Variants in ARFGEF1 observed in about 807,000 individuals in gnomAD.
ARFGEF1 encodes the protein ARF guanine nucleotide exchange factor 1.
ARFGEF1 carries 42 observed loss-of-function variants against 231.0 expected under a neutral mutation model. That is an observed-to-expected ratio of 0.18 (90% CI 0.14 to 0.24). The LOEUF (loss-of-function observed/expected upper bound fraction) is 0.24, where lower values mean the gene tolerates loss of function less well. ARFGEF1 is among the 10% of genes least tolerant of loss of function. ARFGEF1 has a pLI of 1.00. For synonymous variants in ARFGEF1, 710 were observed against 732.3 expected (o/e 0.97, Z 0.49); for missense variants, 1,345 against 2,192.0 (o/e 0.61, Z 7.72).
intron 1 of ARFGEF1, among the ~76,000 whole-genome samples, chr8:67,306,495 C>A (rs1458258703): frequency 6.6e-6 from 1 of 152,030 alleles, no homozygotes; most frequent in Non-Finnish European, 1.5e-5. Context: ...TACCTGATCT[C>A]CTAAGTATAT....
intron 19 of ARFGEF1, among the ~76,000 whole-genome samples, chr8:67,242,571 G>C (rs573495651): frequency 6.6e-6 from 1 of 152,208 alleles, no homozygotes; most frequent in Non-Finnish European, 1.5e-5. Flanking sequence ...GTACACTGTG[G>C]GACTCGGGTG....
intron 14 of ARFGEF1, among the ~76,000 whole-genome samples, chr8:67,263,985 T>C (rs1804745455): frequency 6.6e-6 from 1 of 152,054 alleles, no homozygotes; most frequent in African/African-American, 2.4e-5. Flanking sequence ...CACAAGACAG[T>C]ATTATATAAT....
downstream of ARFGEF1, chr8:67,195,262 C>A: frequency 1.3e-6 from 1 of 745,836 alleles, no homozygotes; most frequent in Non-Finnish European, 2.4e-6. Flanking sequence ...CAGTAGAGTT[C>A]AGGATATGAG....
Position 67,310,734 on chromosome 8 carries a change from C to T in ARFGEF1, c.125-8268G>A, listed in dbSNP as rs529469934. ...GCCCAATCTGGGATGTGAGGAGCGC[C>T]TCTGCCCGGCCGCGACCCCGTCTGG... On this transcript the variant is annotated intron_variant, in intron 1 of 38. Coordinates refer to ENST00000262215, the MANE Select transcript of ARFGEF1 (RefSeq NM_006421.5). Among the ~76,000 whole-genome samples, 98 of 152,048 alleles carry T rather than the reference C, an allele frequency of 6.4e-4. 1 individual carries two copies. The highest frequency in any genetic ancestry group is 1.6e-3 in the Admixed American group (25 of 15,296).
At chr8:67,175,336 T>C (rs1213407719), downstream of ARFGEF1, 1 of 1,613,124 alleles carries the variant, frequency 6.2e-7, no homozygotes, top group Admixed American at 1.7e-5. Context: ...TGTACCTGGA[T>C]CCTCCAAGAG....
chr8:67,259,243 T>C (rs544387499), intron 15 of ARFGEF1, among the ~76,000 whole-genome samples: 5 of 152,346 alleles, frequency 3.3e-5, no homozygotes, highest in East Asian at 1.9e-4. Context: ...CTGTTTGTTT[T>C]TGAGACAGAC....
chr8:67,204,048 G>A (rs1463576816), intron 35 of ARFGEF1, among the ~76,000 whole-genome samples: 1 of 152,042 alleles, frequency 6.6e-6, no homozygotes, highest in Non-Finnish European at 1.5e-5. Context: ...CAGTGAACAC[G>A]CTGCCATATC....
chr8:67,332,386 T>C (rs1438627549), intron 1 of ARFGEF1, among the ~76,000 whole-genome samples: 1 of 152,212 alleles, frequency 6.6e-6, no homozygotes, highest in Non-Finnish European at 1.5e-5. Flanking sequence ...AAAGCTAACC[T>C]ATCCTGAATC....
At chr8:67,299,584 C>G (rs1806386876) in intron 3 of ARFGEF1, among the ~76,000 whole-genome samples, 1 of 151,976 alleles carries the variant, frequency 6.6e-6, no homozygotes, top group African/African-American at 2.4e-5. Context: ...GAACAATAAC[C>G]ACAATAAAAC....
intron 1 of ARFGEF1, among the ~76,000 whole-genome samples, chr8:67,310,709 G>A (rs191877611): frequency 0.024 from 3,517 of 147,656 alleles, 89 homozygotes; most frequent in South Asian, 0.05. Context: ...CTGCCCCGCC[G>A]CCCAATCTGG....
chr8:67,219,889 T>A (rs562686153), intron 29 of ARFGEF1, among the ~76,000 whole-genome samples: 74 of 152,354 alleles, frequency 4.9e-4, no homozygotes, highest in Non-Finnish European at 8.4e-4. Flanking sequence ...AATATTAATT[T>A]TGTGGCACTG....
intron 1 of ARFGEF1, among the ~76,000 whole-genome samples, chr8:67,317,196 A>C (rs1251936104): frequency 6.6e-6 from 1 of 152,018 alleles, no homozygotes; most frequent in African/African-American, 2.4e-5. Flanking sequence ...GAATCATCCT[A>C]ATTTGTGTCC....
At chr8:67,299,072 C>T in intron 4 of ARFGEF1, 137 bp downstream of exon 4, 2 of 858,350 alleles carry the variant, frequency 2.3e-6, no homozygotes, top group Non-Finnish European at 3.3e-6. Context: ...GCATGAGCCA[C>T]TGAGCCCGGC....
At position 67,199,112 on chromosome 8, in the gene ARFGEF1, G is replaced by C; in HGVS notation, c.5386-14C>G. ...ATGAGCTTTAAACTGCAGGGAAAAT[G>C]AATTTCTCCATTAGTAGTGATTGCA... is the stretch of plus-strand genomic sequence containing the variant. On this transcript the variant is annotated splice_polypyrimidine_tract_variant and intron_variant, in intron 38 of 38. Transcript: ENST00000262215. 1 of 1,601,788 alleles carries C rather than the reference G, an allele frequency of 6.2e-7. No individual in the cohort carries two copies. The highest frequency in any genetic ancestry group is 1.1e-5 in the South Asian group (1 of 88,654).
intron 22 of ARFGEF1, 63 bp from the exon 23 acceptor site, chr8:67,233,008 C>A: frequency 7.5e-7 from 1 of 1,336,918 alleles, no homozygotes; most frequent in Non-Finnish European, 1.1e-6. Context: ...ATACACTTAA[C>A]AAGTTCTAAA....
Position 67,267,149 on chromosome 8 carries a change from T to A in ARFGEF1, c.1754A>T (p.Asp585Val), listed in dbSNP as rs769604519. 6.2e-7 allele frequency: 1 copy of A among 1,613,288 alleles called. No homozygotes were observed. Among genetic ancestry groups the A allele is most frequent in the Non-Finnish European group, 8.5e-7 (1 of 1,179,646 alleles). ...AANIFERLVN[D>V]LSKIAQGRGS... ...CCTTCCTTGAGCAATTTTTGATAGA[T>A]CATTTACTAGTCTTTCAAATATATT... is the stretch of plus-strand genomic sequence containing the variant. Residue 585 changes from aspartate to valine, a missense_variant, in exon 12 of 39, where the codon GAT becomes GTT. Asp to Val is a radical substitution (Grantham distance 152). Coordinates refer to ENST00000262215, the MANE Select transcript of ARFGEF1 (RefSeq NM_006421.5).
chr8:67,190,627 T>C (rs779487855), intron 5 of ARFGEF1: 8 of 1,560,558 alleles, frequency 5.1e-6, no homozygotes, highest in South Asian at 1.1e-5. Flanking sequence ...TAAGACTCCT[T>C]CTGCTTTTCG....
chr8:67,313,663 G>A (rs935383274), intron 1 of ARFGEF1, among the ~76,000 whole-genome samples: 1 of 152,178 alleles, frequency 6.6e-6, no homozygotes, highest in South Asian at 2.1e-4. Context: ...TTCTGGTAGA[G>A]GTGGCGGAGG....
At chr8:67,201,078 G>A (rs897301867) in intron 37 of ARFGEF1, among the ~76,000 whole-genome samples, 6 of 152,190 alleles carry the variant, frequency 3.9e-5, no homozygotes, top group Admixed American at 3.9e-4. Context: ...ACGTTAGTTG[G>A]CTTAAAGTAA....
Sources: allele counts gnomAD v4.1 joint callset (sites outside exome capture counted in the v4.1 genomes callset), GRCh38; gene constraint gnomAD v4.1.1; transcripts MANE v1.5; gene names NCBI Gene and HGNC (gene_info 2026-07-23, HGNC 2026-07-21).